IMPG1: variants seen among roughly 807,000 people sequenced by gnomAD.
IMPG1 encodes interphotoreceptor matrix proteoglycan 1.
In IMPG1, 85 loss-of-function variants were observed where a neutral mutation model predicts 92.0. The observed-to-expected ratio is 0.92, with a 90% CI of 0.78 to 1.11. The LOEUF is 1.11. IMPG1 is among the 50% of genes least tolerant of loss of function. The pLI is 0.00. For missense variants in IMPG1, 1,022 were observed against 956.0 expected (o/e 1.07, Z -0.91); for synonymous variants, 367 against 334.1 (o/e 1.10, Z -1.08).
intron 16 of IMPG1, among the ~76,000 whole-genome samples, chr6:75,923,391 T>A (rs1210801405): frequency 6.6e-6 from 1 of 152,140 alleles, no homozygotes; most frequent in Non-Finnish European, 1.5e-5. Context: ...AAGAAAAGAT[T>A]GGAAATATTA....
chr6:76,034,802 C>G lies in IMPG1; in HGVS notation c.302-15G>C, dbSNP rs765681024. ...TTCCTGACACACTGTAATACAGAGT[C>G]ATTAATGGCCATGCCCTAAGAGGGT... On this transcript the variant is annotated splice_polypyrimidine_tract_variant and intron_variant, in intron 2 of 16. Coordinates refer to ENST00000369950, the MANE Select transcript of IMPG1 (RefSeq NM_001563.4). The G allele has an allele frequency of 1.2e-5, 19 of 1,605,082 alleles. No individual in the cohort carries two copies. Among genetic ancestry groups the G allele is most frequent in the Non-Finnish European group, 1.5e-5 (18 of 1,173,032 alleles).
intron 1 of IMPG1, among the ~76,000 whole-genome samples, chr6:76,067,897 A>T (rs1784339698): frequency 6.6e-6 from 1 of 152,206 alleles, no homozygotes; most frequent in South Asian, 2.1e-4. Context: ...ACAAATCAAT[A>T]AATGTGATTC....
At chr6:75,937,733 A>T (rs1781770804) in intron 14 of IMPG1, among the ~76,000 whole-genome samples, 1 of 152,214 alleles carries the variant, frequency 6.6e-6, no homozygotes, top group Non-Finnish European at 1.5e-5. Context: ...CTTACAAATT[A>T]TGCCTTTTCC....
chr6:76,000,813 A>G (rs574901714), intron 12 of IMPG1, among the ~76,000 whole-genome samples: 3 of 152,390 alleles, frequency 2.0e-5, no homozygotes, highest in Non-Finnish European at 4.4e-5. Context: ...GTGACATAAT[A>G]GAGACTCAGA....
At chr6:75,980,453 A>G (rs1782608779) in intron 12 of IMPG1, among the ~76,000 whole-genome samples, 1 of 152,186 alleles carries the variant, frequency 6.6e-6, no homozygotes, top group Non-Finnish European at 1.5e-5. Context: ...TTGCCAAAGG[A>G]GATTAACATT....
intron 12 of IMPG1, among the ~76,000 whole-genome samples, chr6:75,991,400 A>G (rs1782811319): frequency 6.6e-6 from 1 of 151,978 alleles, no homozygotes; most frequent in Non-Finnish European, 1.5e-5. Context: ...TGGAAATAAA[A>G]AAAAAAAAAG....
chr6:76,011,982 G>T (rs1458164250), intron 7 of IMPG1, among the ~76,000 whole-genome samples: 1 of 151,870 alleles, frequency 6.6e-6, no homozygotes, highest in Non-Finnish European at 1.5e-5. Flanking sequence ...ATTATAACTA[G>T]AGTTAGCTAT....
intron 12 of IMPG1, among the ~76,000 whole-genome samples, chr6:75,988,225 T>C (rs909158248): frequency 6.6e-6 from 1 of 152,228 alleles, no homozygotes; most frequent in Non-Finnish European, 1.5e-5. Context: ...TGAACTAGTT[T>C]ATAGTCCCAC....
At chr6:76,017,241 C>T (rs1374281554) in intron 7 of IMPG1, among the ~76,000 whole-genome samples, 1 of 150,422 alleles carries the variant, frequency 6.6e-6, no homozygotes, top group Non-Finnish European at 1.5e-5. Context: ...ATATAGATGC[C>T]ACACTCAGCA....
intron 12 of IMPG1, among the ~76,000 whole-genome samples, chr6:75,986,269 C>T (rs757990555): frequency 5.3e-5 from 8 of 151,872 alleles, no homozygotes; most frequent in South Asian, 2.1e-4. Flanking sequence ...GGGTGGTGCA[C>T]GTTACACACA....
chr6:75,967,054 C>G (rs961295574), intron 12 of IMPG1, among the ~76,000 whole-genome samples: 1 of 152,096 alleles, frequency 6.6e-6, no homozygotes, highest in Non-Finnish European at 1.5e-5. Flanking sequence ...TGGTGCATGC[C>G]TGTAATCCCA....
chr6:75,964,048 G>A (rs1395084380), intron 12 of IMPG1, among the ~76,000 whole-genome samples: 1 of 152,134 alleles, frequency 6.6e-6, no homozygotes, highest in East Asian at 1.9e-4. Context: ...GATGCTTTGG[G>A]GAAAAAGCAC....
intron 12 of IMPG1, among the ~76,000 whole-genome samples, chr6:75,962,319 G>T (rs1782224303): frequency 1.3e-5 from 2 of 151,760 alleles, no homozygotes; most frequent in Non-Finnish European, 2.9e-5. Flanking sequence ...AGAAATGGGG[G>T]TCTCTCGATG....
chr6:76,064,252 G>C (rs1028383634), intron 1 of IMPG1, among the ~76,000 whole-genome samples: 2 of 152,102 alleles, frequency 1.3e-5, no homozygotes, highest in African/African-American at 4.8e-5. Flanking sequence ...GGAAAGGTAA[G>C]GTGTCTCCCC....
intron 5 of IMPG1, among the ~76,000 whole-genome samples, chr6:76,023,381 A>T (rs2149484206): frequency 6.6e-6 from 1 of 152,366 alleles, no homozygotes; most frequent in East Asian, 1.9e-4. Context: ...TTACAATAAA[A>T]AAGTACTTAG....
chr6:76,019,016 T>C (rs575318646), intron 6 of IMPG1, among the ~76,000 whole-genome samples, 158 bp from the exon 7 acceptor site: 4 of 152,346 alleles, frequency 2.6e-5, no homozygotes, highest in African/African-American at 9.6e-5. Flanking sequence ...GAGAAGAGCC[T>C]AGACTGGTTT....
intron 1 of IMPG1, among the ~76,000 whole-genome samples, chr6:76,061,291 AG>A (rs1352293092): frequency 6.6e-6 from 1 of 152,216 alleles, no homozygotes; most frequent in Non-Finnish European, 1.5e-5. Flanking sequence ...TTCAACTTTA[AG>A]GACATCCTCT....
intron 1 of IMPG1, among the ~76,000 whole-genome samples, chr6:76,042,712 A>G (rs1783867061): frequency 6.6e-6 from 1 of 152,098 alleles, no homozygotes. Context: ...TTCATGAAGG[A>G]TGGTGAGAGG....
chr6:76,064,216 A>G (rs1784262237), intron 1 of IMPG1, among the ~76,000 whole-genome samples: 1 of 150,176 alleles, frequency 6.7e-6, no homozygotes, highest in Non-Finnish European at 1.5e-5. Flanking sequence ...CCTGCTGGCT[A>G]TGTGCCTACC....
Sources: allele counts gnomAD v4.1 joint callset (sites outside exome capture counted in the v4.1 genomes callset), GRCh38; gene constraint gnomAD v4.1.1; transcripts MANE v1.5; gene names NCBI Gene and HGNC (gene_info 2026-07-23, HGNC 2026-07-21).